The following IL3RA variants were observed in gnomAD, a reference collection of about 807,000 sequenced individuals.
IL3RA encodes the protein interleukin 3 receptor subunit alpha, also known as interleukin-3 receptor subunit alpha.
IL3RA carries 73 observed loss-of-function variants against 52.3 expected under a neutral mutation model. That is an observed-to-expected ratio of 1.40 (90% confidence interval 1.16 to 1.70). IL3RA has a LOEUF of 1.70. Ranked by LOEUF, IL3RA falls within the 40% of genes most tolerant of loss-of-function variation. IL3RA has a pLI of 0.00. For synonymous variants in IL3RA, 260 were observed against 194.0 expected (o/e 1.34, Z -2.83); for missense variants, 664 against 504.4 (o/e 1.32, Z -3.03).
At chrX:1,338,442 C>T (rs2085381492) in intron 1 of IL3RA, among the ~76,000 whole-genome samples, 1 of 152,084 alleles carries the variant, frequency 6.6e-6, no homozygotes, top group Non-Finnish European at 1.5e-5. Context: ...GAATAAGCAG[C>T]TTTATTCACA....
chrX:1,353,292 AC>A (rs2086251354), intron 6 of IL3RA, among the ~76,000 whole-genome samples: 1 of 140,140 alleles, frequency 7.1e-6, no homozygotes, highest in Non-Finnish European at 1.5e-5. Context: ...GGGTCATGGG[AC>A]CCCCTATCAT....
rs1296391251 is a variant in IL3RA, at chrX:1,361,188, T to C, written c.759+2301T>C. On this transcript the variant is annotated intron_variant, in intron 8 of 11. Coordinates refer to ENST00000331035, the MANE Select transcript of IL3RA (RefSeq NM_002183.4). ...CTGTCTCTCTCTCCCTTCCCCTCTC[T>C]CTCTCTCCATTCCCCTGTCTCTATG... Among the ~76,000 whole-genome samples, 25 of 80,812 alleles carry C rather than the reference T, an allele frequency of 3.1e-4. 2 individuals carry two copies. Among genetic ancestry groups the C allele is most frequent in the Non-Finnish European group, 5.1e-4 (20 of 39,576 alleles). 53.0% of individuals were successfully genotyped at this position (80,812 alleles called of 152,430 possible).
At chrX:1,340,745 C>T (rs1490383034) in intron 1 of IL3RA, among the ~76,000 whole-genome samples, 8 of 152,076 alleles carry the variant, frequency 5.3e-5, no homozygotes, top group South Asian at 2.1e-4. Flanking sequence ...CAGCACTTGG[C>T]GAGGAAAAGG....
At chrX:1,343,891 GTT>G (rs2085606044) in intron 2 of IL3RA, among the ~76,000 whole-genome samples, 1 of 149,932 alleles carries the variant, frequency 6.7e-6, no homozygotes, top group Non-Finnish European at 1.5e-5. Flanking sequence ...CGCCTCCCGA[GTT>G]CCAGTGATTC....
At chrX:1,345,041 C>T (rs1194512246) in intron 2 of IL3RA, among the ~76,000 whole-genome samples, 37 of 150,104 alleles carry the variant, frequency 2.5e-4, no homozygotes, top group South Asian at 4.2e-4. Flanking sequence ...TGGTGGCGGG[C>T]GCCTGTAGTC....
intron 8 of IL3RA, 59 bp downstream of exon 8, chrX:1,358,946 T>C: frequency 5.5e-6 from 7 of 1,283,798 alleles, no homozygotes; most frequent in Admixed American, 4.9e-5. Context: ...AGTTTTATTA[T>C]TATTAAGAAT....
At chrX:1,366,477 G>C (rs2088049909) in intron 9 of IL3RA, among the ~76,000 whole-genome samples, 2 of 81,278 alleles carry the variant, frequency 2.5e-5, no homozygotes, top group South Asian at 8.2e-4. Context: ...AGCGGGGTGA[G>C]CGGGGTGAGC....
chrX:1,348,592 TTCCCTCTCTCCC>T (rs780461817), intron 4 of IL3RA, 47 bp downstream of exon 4: 9 of 1,336,934 alleles, frequency 6.7e-6, no homozygotes, highest in Non-Finnish European at 7.5e-6. Context: ...CCCTCCCTCC[TTCCCTCTCTCCC>T]TCCCTCTCGC....
chrX:1,380,122 C>T (rs1415602800), intron 10 of IL3RA, among the ~76,000 whole-genome samples: 1 of 144,154 alleles, frequency 6.9e-6, no homozygotes, highest in Admixed American at 6.9e-5. Context: ...TTGAACTCCT[C>T]ACCTCAGTTG....
chrX:1,358,925 T>G, intron 8 of IL3RA, 38 bp downstream of exon 8: 1 of 1,552,272 alleles, frequency 6.4e-7, no homozygotes, highest in Non-Finnish European at 8.8e-7. Flanking sequence ...TACTTGACAT[T>G]GCAAAGGGTG....
chrX:1,379,588 C>T (rs1157518267), intron 10 of IL3RA, among the ~76,000 whole-genome samples: 10 of 152,214 alleles, frequency 6.6e-5, no homozygotes, highest in East Asian at 5.8e-4. Context: ...GAAGCAGGGC[C>T]GGTCCTCCCC....
chrX:1,356,386 AT>A (rs779333716), intron 7 of IL3RA, 50 bp downstream of exon 7: 9 of 1,149,514 alleles, frequency 7.8e-6, no homozygotes, highest in Non-Finnish European at 9.8e-6. Context: ...GACATCCCTT[AT>A]TTTTGGTAAG....
intron 11 of IL3RA, among the ~76,000 whole-genome samples, chrX:1,382,190 C>T (rs1215077625): frequency 3.8e-5 from 2 of 52,252 alleles, no homozygotes; most frequent in Non-Finnish European, 3.5e-5. Context: ...ACCTTATGGT[C>T]CGCTCGCCTC....
At chrX:1,378,627 C>A in intron 9 of IL3RA, 32 bp from the exon 10 acceptor site, 2 of 1,585,194 alleles carry the variant, frequency 1.3e-6, no homozygotes, top group East Asian at 2.2e-5. Flanking sequence ...GGACGGCCCC[C>A]GGTCTGTGAC....
chrX:1,362,579 C>T (rs1313587023), intron 8 of IL3RA, among the ~76,000 whole-genome samples: 4 of 151,450 alleles, frequency 2.6e-5, no homozygotes, highest in Non-Finnish European at 5.9e-5. Flanking sequence ...GTATCTCTTT[C>T]TCTCTCTCTG....
At chrX:1,377,430 G>A (rs1322528463) in intron 9 of IL3RA, among the ~76,000 whole-genome samples, 3 of 151,810 alleles carry the variant, frequency 2.0e-5, no homozygotes, top group South Asian at 2.1e-4. Context: ...TATTAGAGAC[G>A]GGCTTTCTGG....
Position 1,347,841 on chromosome X carries a change from C to A in IL3RA, c.184-590C>A, listed in dbSNP as rs751998947. Among the ~76,000 whole-genome samples the A allele has an allele frequency of 2.1e-3, 311 of 148,722 alleles. 2 individuals carry two copies. The highest frequency in any genetic ancestry group is 5.6e-3 in the South Asian group (26 of 4,668). On this transcript the variant is annotated intron_variant, in intron 3 of 11. Coordinates refer to ENST00000331035, the MANE Select transcript of IL3RA (RefSeq NM_002183.4). ...ATCACGAGGTCAGGAGATCGAGACC[C>A]TCCTGGCTAACACGGTGAAACCCCG...
chrX:1,345,567 G>A lies in IL3RA; in HGVS notation c.183+133G>A, dbSNP rs371780685. ...TGCGGTGACCCGATCTCCGCTCTCT[G>A]CAACCTCCACCTCCCAGGTCCATGC... On this transcript the variant is annotated intron_variant, in intron 3 of 11. Coordinates refer to ENST00000331035, the MANE Select transcript of IL3RA (RefSeq NM_002183.4). The A allele has an allele frequency of 1.2e-5, 6 of 501,028 alleles. No individual in the cohort carries two copies. In the East Asian group the frequency reaches 1.9e-4, roughly 15 times the overall value. The allele number at this position is 501,028 out of a possible 1,614,324, so 31.0% of individuals were successfully genotyped here.
At chrX:1,380,914 T>C in intron 10 of IL3RA, 109 bp from the exon 11 acceptor site, 1 of 908,834 alleles carries the variant, frequency 1.1e-6, no homozygotes, top group Admixed American at 2.0e-5. Flanking sequence ...AGTAGATGAC[T>C]TGAGTCTTTT....
Sources: allele counts gnomAD v4.1 joint callset (sites outside exome capture counted in the v4.1 genomes callset), GRCh38; gene constraint gnomAD v4.1.1; transcripts MANE v1.5; gene names NCBI Gene and HGNC (gene_info 2026-07-23, HGNC 2026-07-21).